The following NCAM2 variants were observed in gnomAD, a reference collection of about 807,000 sequenced individuals.
NCAM2 encodes N-CAM-2.
NCAM2 carries 30 observed loss-of-function variants against 98.1 expected under a neutral mutation model. The observed-to-expected ratio is 0.31, with a 90% CI of 0.23 to 0.41. The LOEUF is 0.41. Among genes scored for constraint, NCAM2 ranks in the 10% least tolerant of loss-of-function variants. The probability of loss-of-function intolerance (pLI) is 1.00; values close to 1 mark genes in which losing one functional copy is unlikely to be tolerated. For synonymous variants in NCAM2, 368 were observed against 342.4 expected, an observed-to-expected ratio of 1.07 and a Z score of -0.83; for missense variants, 867 against 1,005.8, an observed-to-expected ratio of 0.86 and a Z score of 1.87.
At chr21:21,090,302 G>A (rs1362437963) in intron 1 of NCAM2, among the ~76,000 whole-genome samples, 1 of 152,092 alleles carries the variant, frequency 6.6e-6, no homozygotes, top group Non-Finnish European at 1.5e-5. Context: ...TAAAAACATT[G>A]TCTAATTCAG....
chr21:21,491,837 T>G (rs182087225), intron 15 of NCAM2, among the ~76,000 whole-genome samples: 6 of 151,652 alleles, frequency 4.0e-5, no homozygotes, highest in Non-Finnish European at 8.9e-5. Flanking sequence ...CATTTATAAG[T>G]CTTATATATT....
intron 1 of NCAM2, among the ~76,000 whole-genome samples, chr21:21,253,105 C>G (rs568996198): frequency 6.6e-6 from 1 of 152,264 alleles, no homozygotes; most frequent in African/African-American, 2.4e-5. Context: ...CTTCTAAAGT[C>G]CTTTTACAAC....
intron 1 of NCAM2, among the ~76,000 whole-genome samples, chr21:21,276,533 A>G (rs1225657268): frequency 6.6e-6 from 1 of 152,108 alleles, no homozygotes; most frequent in East Asian, 1.9e-4. Context: ...TTCTTGTCCA[A>G]TTTTCTCCAA....
At chr21:21,092,091 A>G (rs1157604109) in intron 1 of NCAM2, among the ~76,000 whole-genome samples, 3 of 152,094 alleles carry the variant, frequency 2.0e-5, no homozygotes, top group Non-Finnish European at 4.4e-5. Context: ...GAATGGATAG[A>G]CCTTGTACAA....
At chr21:21,260,331 G>C (rs1417643150) in intron 1 of NCAM2, among the ~76,000 whole-genome samples, 1 of 151,756 alleles carries the variant, frequency 6.6e-6, no homozygotes, top group Non-Finnish European at 1.5e-5. Context: ...TAGATATCCA[G>C]ATACAAGAAA....
At chr21:21,331,534 T>TATATATATAC (rs1388107613) in intron 6 of NCAM2, among the ~76,000 whole-genome samples, 1 of 10,918 alleles carries the variant, frequency 9.2e-5, no homozygotes, top group African/African-American at 2.2e-4. Context: ...TATATATATA[T>TATATATATAC]ACTCTATATA....
At chr21:21,148,893 T>G (rs1416993516) in intron 1 of NCAM2, among the ~76,000 whole-genome samples, 1 of 152,182 alleles carries the variant, frequency 6.6e-6, no homozygotes, top group Non-Finnish European at 1.5e-5. Context: ...TTTACTAAAA[T>G]TATTTATTTT....
intron 1 of NCAM2, among the ~76,000 whole-genome samples, chr21:21,152,752 T>A (rs1396765996): frequency 6.6e-6 from 1 of 151,968 alleles, no homozygotes; most frequent in Non-Finnish European, 1.5e-5. Context: ...CTGGTAGCGT[T>A]CCAGTTTACC....
intron 10 of NCAM2, among the ~76,000 whole-genome samples, chr21:21,417,661 G>T (rs1314257381): frequency 6.6e-6 from 1 of 151,986 alleles, no homozygotes; most frequent in Non-Finnish European, 1.5e-5. Flanking sequence ...GAATTACAGG[G>T]TTTGTCTCAG....
intron 1 of NCAM2, among the ~76,000 whole-genome samples, chr21:20,999,351 T>TCA (rs558563179): frequency 3.6e-4 from 51 of 141,722 alleles, no homozygotes; most frequent in African/African-American, 1.5e-3. Context: ...CTTTTATCTC[T>TCA]TAAAAAAAAA....
intron 1 of NCAM2, among the ~76,000 whole-genome samples, chr21:21,244,063 A>T (rs1464068307): frequency 6.6e-6 from 1 of 152,170 alleles, no homozygotes; most frequent in Non-Finnish European, 1.5e-5. Context: ...ACCAGAGGTG[A>T]TATCCATTGG....
intron 1 of NCAM2, among the ~76,000 whole-genome samples, chr21:21,084,289 G>T (rs2065866808): frequency 6.6e-6 from 1 of 152,168 alleles, no homozygotes; most frequent in Non-Finnish European, 1.5e-5. Context: ...TGTGGATTTT[G>T]AGGGGACACA....
At chr21:21,323,289 A>C (rs926696040) in intron 5 of NCAM2, among the ~76,000 whole-genome samples, 1 of 152,144 alleles carries the variant, frequency 6.6e-6, no homozygotes, top group African/African-American at 2.4e-5. Context: ...TAGAGACAAC[A>C]TGTCAGATTA....
chr21:21,486,075 A>G (rs1374392319), intron 15 of NCAM2, among the ~76,000 whole-genome samples: 2 of 151,980 alleles, frequency 1.3e-5, no homozygotes, highest in Non-Finnish European at 2.9e-5. Context: ...AGGCCGAGGC[A>G]GGTGGATCAC....
chr21:21,333,863 G>A (rs528221419), intron 6 of NCAM2, among the ~76,000 whole-genome samples: 1 of 151,822 alleles, frequency 6.6e-6, no homozygotes, highest in Admixed American at 6.6e-5. Context: ...TTAAATTCTA[G>A]ATAAAAACTC....
intron 11 of NCAM2, among the ~76,000 whole-genome samples, chr21:21,424,410 T>A (rs1005913274): frequency 2.0e-5 from 3 of 152,126 alleles, no homozygotes; most frequent in Non-Finnish European, 4.4e-5. Flanking sequence ...GTTCAAAAGA[T>A]ATAAGGTTGC....
intron 1 of NCAM2, among the ~76,000 whole-genome samples, chr21:21,156,578 TTATA>T (rs753754663): frequency 9.2e-6 from 1 of 108,624 alleles, no homozygotes; most frequent in Non-Finnish European, 2.0e-5. Flanking sequence ...AATAGATAGA[TTATA>T]GATAGATAGA....
chr21:21,264,200 C>A (rs886847029), intron 1 of NCAM2, among the ~76,000 whole-genome samples: 4 of 151,868 alleles, frequency 2.6e-5, no homozygotes, highest in South Asian at 2.1e-4. Flanking sequence ...GAACAGATAC[C>A]TCTTAAAAGA....
chr21:21,161,048 G>A (rs778335875), intron 1 of NCAM2, among the ~76,000 whole-genome samples: 11 of 151,954 alleles, frequency 7.2e-5, no homozygotes, highest in Non-Finnish European at 1.0e-4. Flanking sequence ...GACTATTAAT[G>A]TATGTTTAGG....
Sources: gnomAD v4.1 joint callset for allele counts (sites outside exome capture counted in the v4.1 genomes callset) on GRCh38, gnomAD v4.1.1 for gene constraint, MANE v1.5 for transcripts, NCBI Gene and HGNC (gene_info 2026-07-23, HGNC 2026-07-21) for gene names.